USP43: variants seen among roughly 807,000 people sequenced by gnomAD.
The protein encoded by USP43 is ubiquitin carboxyl-terminal hydrolase 43.
In USP43, 33 loss-of-function variants were observed where a neutral mutation model predicts 90.7. The ratio of observed to expected loss-of-function variants is 0.36; its 90% CI spans 0.28 to 0.49. USP43 has a LOEUF of 0.49. USP43 is among the 20% of genes least tolerant of loss of function. The pLI is 0.98. For synonymous variants in USP43, 598 were observed against 615.8 expected (o/e 0.97, Z 0.43); for missense variants, 1,274 against 1,476.4 (o/e 0.86, Z 2.25).
intron 14 of USP43, among the ~76,000 whole-genome samples, chr17:9,726,602 C>T (rs1002034424): frequency 6.6e-6 from 1 of 152,142 alleles, no homozygotes; most frequent in Non-Finnish European, 1.5e-5. Flanking sequence ...GGTCACTAAT[C>T]CCATTCACGA....
At chr17:9,656,266 C>A in intron 1 of USP43, 137 bp from the exon 2 acceptor site, 1 of 1,189,850 alleles carries the variant, frequency 8.4e-7, no homozygotes, top group Non-Finnish European at 1.2e-6. Flanking sequence ...AAGAACATTT[C>A]TACCCCGGCT....
In USP43 at chr17:9,729,623, AAAG is replaced by A. The variant is rs1000490986; in HGVS notation, c.*634_*636del. 1 of 152,126 alleles carries A rather than the reference AAAG, an allele frequency of 6.6e-6. No individual in the cohort carries two copies. Among genetic ancestry groups the A allele is most frequent in the African/African-American group, 2.4e-5 (1 of 41,414 alleles). The allele number at this position is 152,126 out of a possible 1,614,324, so 9.4% of individuals were successfully genotyped here. On this transcript the variant is annotated 3_prime_UTR_variant, in exon 15 of 15. Coordinates refer to ENST00000285199, the MANE Select transcript of USP43 (RefSeq NM_153210.5). ...AAATAACTATTTTGATACTAGAAAA[AAAG>A]TCCATTTTTTAATTTAAATATGAGA...
Position 9,727,975 on chromosome 17 carries a change from T to C in USP43, c.2357T>C (p.Leu786Ser), listed in dbSNP as rs1298961278. 6.2e-7 allele frequency: 1 copy of C among 1,605,056 alleles called. No individual in the cohort carries two copies. The highest frequency in any genetic ancestry group is 2.2e-5 in the East Asian group (1 of 44,590). Residue 786 changes from leucine (L) to serine (S), a missense_variant, in exon 15 of 15, where the codon TTG becomes TCG. Leu to Ser is a moderately radical substitution (Grantham distance 145). Around this residue, in one of 6 missense-constraint regions of USP43, gnomAD observed 285 missense variants for 349.6 expected, o/e 0.82. Transcript: ENST00000285199. ...TCAGGAGGGTTGGAGCCCAGGCGTT[T>C]GGTACGGGGCGTGAAAGGCAGAAGC... ...QEKGGLEPRR[L>S]VRGVKGRSIS...
At chr17:9,727,338 A>T (rs973971072) in intron 14 of USP43, among the ~76,000 whole-genome samples, 4 of 152,182 alleles carry the variant, frequency 2.6e-5, no homozygotes, top group African/African-American at 9.7e-5. Flanking sequence ...CATCACAAAC[A>T]GCACTGCCAT....
chr17:9,680,340 C>T lies in USP43; in HGVS notation c.1079C>T (p.Pro360Leu). The change falls in exon 6 of 15, where the codon CCC becomes CTC. Residue 360 changes from proline to leucine, a missense_variant. Pro to Leu is a moderately conservative substitution (Grantham distance 98). Around this residue, in one of 6 missense-constraint regions of USP43, gnomAD observed 253 missense variants for 276.0 expected, o/e 0.92. Transcript: ENST00000285199. ...AATGTGTATGCCTTTCAAGTTCCTC[C>T]CTCACCCAGCCAGGGGACTCTCTCA... ...GDNVYAFQVPPSPSQGTLSAH... is the reference protein window; with the variant it reads ...GDNVYAFQVPLSPSQGTLSAH... 1 of 1,613,814 alleles carries T rather than the reference C, an allele frequency of 6.2e-7. No individual in the cohort carries two copies. The highest frequency in any genetic ancestry group is 2.2e-5 in the East Asian group (1 of 44,880).
At position 9,645,823 on chromosome 17, in the gene USP43, C is replaced by A; in HGVS notation, c.191C>A (p.Ala64Asp). 7.2e-7 allele frequency: 1 copy of A among 1,394,988 alleles called. No individual in the cohort carries two copies. Among genetic ancestry groups the A allele is most frequent in the Admixed American group, 3.9e-5 (1 of 25,510 alleles). The allele number at this position is 1,394,988 out of a possible 1,614,324, so 86.4% of individuals were successfully genotyped here. A position where few individuals can be genotyped will look rare whatever the true frequency, so the allele number is the denominator to read the frequency against. ...GACGGTGAGGGGGGCTTCGCCTGCG[C>A]CCCGGGCCCAGTTCCAGCGGCCCCC... ...DGDGEGGFAC[A>D]PGPVPAAPGS... is the part of the protein sequence containing the mutation. Residue 64 changes from alanine to aspartate, a missense_variant, in exon 1 of 15, where the codon GCC (alanine) becomes GAC (aspartate). By Grantham distance (126) the Ala-to-Asp change is moderately radical. Around this residue, in one of 6 missense-constraint regions of USP43, gnomAD observed 112 missense variants for 106.6 expected, o/e 1.05. Transcript: ENST00000285199. This position sits in a 1 kb window ranked among gnomAD's most constrained non-coding sequence, Gnocchi z 6.8.
Position 9,700,262 on chromosome 17 carries a change from G to GA in USP43, c.1535+15dup. On this transcript the variant is annotated intron_variant, in intron 10 of 14. Transcript: ENST00000285199. Reference sequence around the variant, plus strand: ...CTGTCAAGGAGCGGTGAGTTCAAGGGAATTTGCCACCTGCAGAGCTGAGAC... The same window carrying GA: ...CTGTCAAGGAGCGGTGAGTTCAAGGGAAATTTGCCACCTGCAGAGCTGAGAC... 2 of 1,584,850 alleles carry GA rather than the reference G, an allele frequency of 1.3e-6. No individual in the cohort carries two copies. The highest frequency in any genetic ancestry group is 1.7e-6 in the Non-Finnish European group (2 of 1,165,414).
At chr17:9,646,180 G>A (rs1911385308) in intron 1 of USP43, 44 bp downstream of exon 1, 3 of 1,388,750 alleles carry the variant, frequency 2.2e-6, no homozygotes, top group Admixed American at 3.6e-5. Context: ...CCCTGGTTTC[G>A]CCTCTTGAAA....
At chr17:9,725,130 G>A (rs984637269) in intron 14 of USP43, among the ~76,000 whole-genome samples, 12 of 152,338 alleles carry the variant, frequency 7.9e-5, no homozygotes, top group Non-Finnish European at 1.2e-4. Flanking sequence ...TGTGGAGGGG[G>A]TGTCAGGGGA....
At chr17:9,691,124 T>C (rs1012360334) in intron 8 of USP43, among the ~76,000 whole-genome samples, 12 of 66,378 alleles carry the variant, frequency 1.8e-4, no homozygotes, top group African/African-American at 1.1e-3. Flanking sequence ...TTTTTTTTCT[T>C]TTTTTTTGAG....
At chr17:9,667,136 C>A (rs577642648) in intron 3 of USP43, among the ~76,000 whole-genome samples, 1 of 152,038 alleles carries the variant, frequency 6.6e-6, no homozygotes, top group Admixed American at 6.5e-5. Context: ...GAGTTCCAAG[C>A]GTTATGGAGG....
At chr17:9,698,575 G>T (rs932817705) in intron 9 of USP43, among the ~76,000 whole-genome samples, 16 of 152,284 alleles carry the variant, frequency 1.1e-4, no homozygotes, top group African/African-American at 3.6e-4. Flanking sequence ...ATTGAATAAG[G>T]CCCTCTTTCT....
chr17:9,654,353 T>C (rs1912080914), intron 1 of USP43, among the ~76,000 whole-genome samples: 1 of 152,118 alleles, frequency 6.6e-6, no homozygotes. Flanking sequence ...CAGAGAAGCC[T>C]GGGGGAAGAA....
At chr17:9,708,669 C>T (rs1916020513) in intron 12 of USP43, among the ~76,000 whole-genome samples, 2 of 152,058 alleles carry the variant, frequency 1.3e-5, no homozygotes, top group Non-Finnish European at 2.9e-5. Flanking sequence ...ACTGTGTTGC[C>T]CGGGTTGGAG....
At chr17:9,665,680 A>G (rs1477207704) in intron 2 of USP43, among the ~76,000 whole-genome samples, 1 of 152,202 alleles carries the variant, frequency 6.6e-6, no homozygotes, top group South Asian at 2.1e-4. Flanking sequence ...TGGAGATGTG[A>G]TTAAGAATCT....
At chr17:9,719,799 G>T (rs908988093) in intron 14 of USP43, among the ~76,000 whole-genome samples, 1 of 152,212 alleles carries the variant, frequency 6.6e-6, no homozygotes, top group African/African-American at 2.4e-5. Context: ...GGACGTGGTG[G>T]CTCATGCCTG....
intron 3 of USP43, among the ~76,000 whole-genome samples, chr17:9,672,427 C>T (rs920149097): frequency 2.0e-5 from 3 of 152,146 alleles, no homozygotes; most frequent in Admixed American, 1.3e-4. Flanking sequence ...TAATATGTCG[C>T]AATGCTTCAA....
intron 4 of USP43, among the ~76,000 whole-genome samples, chr17:9,675,535 T>C (rs1271180991): frequency 6.6e-6 from 1 of 152,158 alleles, no homozygotes; most frequent in Non-Finnish European, 1.5e-5. Flanking sequence ...AAATGGCCAA[T>C]GTCAGTGTCC....
At chr17:9,678,486 A>G (rs572483969) in intron 5 of USP43, among the ~76,000 whole-genome samples, 56 of 152,122 alleles carry the variant, frequency 3.7e-4, no homozygotes, top group Admixed American at 1.8e-3. Flanking sequence ...CCTCCTGAGT[A>G]TGCATCACCA....
Sources: allele counts gnomAD v4.1 joint callset (sites outside exome capture counted in the v4.1 genomes callset), GRCh38; gene constraint gnomAD v4.1.1; regional missense constraint gnomAD v4.1.1; non-coding constraint Gnocchi (gnomAD v3.1); transcripts MANE v1.5; gene names NCBI Gene and HGNC (gene_info 2026-07-23, HGNC 2026-07-21).